The following MELTF variants were observed in gnomAD, a reference collection of about 807,000 sequenced individuals.
MELTF encodes the protein antigen p97 (melanoma associated) identified by monoclonal antibodies 133.2 and 96.5.
A neutral mutation model predicts 83.7 loss-of-function variants in MELTF; 67 were observed. The observed-to-expected ratio is 0.80, with a 90% CI of 0.66 to 0.98. The LOEUF is 0.98. MELTF is among the 50% of genes least tolerant of loss of function. The pLI, the probability that MELTF is intolerant of heterozygous loss-of-function variation, is 0.00. For missense variants in MELTF, 1,002 were observed against 1,035.6 expected, an observed-to-expected ratio of 0.97 and a Z score of 0.44; for synonymous variants, 462 against 447.6, an observed-to-expected ratio of 1.03 and a Z score of -0.41.
chr3:197,026,580 A>C (rs922795999), intron 3 of MELTF, 80 bp downstream of exon 3: 27 of 1,294,482 alleles, frequency 2.1e-5, no homozygotes, highest in Non-Finnish European at 2.8e-5. Context: ...TGGCCAGCTC[A>C]GGCCAGGCCC....
At chr3:197,017,676 G>C (rs964853055) in intron 6 of MELTF, among the ~76,000 whole-genome samples, 4 of 152,192 alleles carry the variant, frequency 2.6e-5, no homozygotes, top group South Asian at 2.1e-4. Context: ...AGGAGATCAA[G>C]ACCATCCTGG....
intron 2 of MELTF, 61 bp downstream of exon 2, chr3:197,027,695 T>G: frequency 6.5e-7 from 1 of 1,542,530 alleles, no homozygotes; most frequent in East Asian, 2.3e-5. Context: ...ATGGGGCTGT[T>G]GTGTGCTCCC....
Position 197,011,311 on chromosome 3 carries a change from C to T in MELTF, c.1234-517G>A, listed in dbSNP as rs914709969. On this transcript the variant is annotated intron_variant, in intron 9 of 15. Transcript: ENST00000296350. The surrounding 1 kb of genome is among the most constrained non-coding windows in gnomAD (Gnocchi z 4.2). The stretch of plus-strand genomic sequence containing the variant: ...GGGCTGAGGGATGGAGCTCTGCCTG[C>T]GGAGGCGCGGGAGGGTCCAGTGCCT... Among the ~76,000 whole-genome samples the T allele has an allele frequency of 6.6e-5, 10 of 152,208 alleles. No homozygotes were observed. The highest frequency in any genetic ancestry group is 4.6e-4 in the Admixed American group (7 of 15,288).
intron 6 of MELTF, among the ~76,000 whole-genome samples, chr3:197,019,962 C>G (rs1719556043): frequency 6.6e-6 from 1 of 152,146 alleles, no homozygotes; most frequent in South Asian, 2.1e-4. Context: ...GCCTGAGGAA[C>G]TCCTGGGCTG....
In MELTF at chr3:197,006,594, G is replaced by A. The variant is rs376218420; in HGVS notation, c.1893C>T (p.Pro631=). ...CATACACGGTGAAGATGTTGGTGTC[G>A]GGCCGGACCATCACGGCGTGGGGTG... ...QIPPHAVMVR[P]DTNIFTVYGL... The change falls in exon 14 of 16, where the codon CCC becomes CCT. Residue 631 remains proline (P), a synonymous_variant. Coordinates refer to ENST00000296350, the MANE Select transcript of MELTF (RefSeq NM_005929.6). The surrounding 1 kb of genome is among the most constrained non-coding windows in gnomAD (Gnocchi z 5.4). The A allele has an allele frequency of 1.4e-5, 22 of 1,612,734 alleles. No homozygotes were observed. In the Middle Eastern group the frequency reaches 6.6e-4, roughly 48 times the overall value.
intron 1 of MELTF, 31 bp from the exon 2 acceptor site, chr3:197,027,941 C>T (rs1352337423): frequency 6.5e-7 from 1 of 1,536,370 alleles, no homozygotes; most frequent in Non-Finnish European, 8.8e-7. Context: ...GGCCCGGCTC[C>T]CCCGCCCTGC....
Position 197,029,699 on chromosome 3 carries a change from G to T in MELTF, c.4C>A (p.Arg2=). Residue 2 remains arginine, a synonymous_variant, in exon 1 of 16, where the codon CGG becomes AGG. Coordinates refer to ENST00000296350, the MANE Select transcript of MELTF (RefSeq NM_005929.6). This position sits in a 1 kb window ranked among gnomAD's most constrained non-coding sequence, Gnocchi z 6.5. M[R]GPSGALWLLL... The stretch of plus-strand genomic sequence containing the variant: ...AGCCACAGAGCCCCGCTCGGACCCC[G>T]CATGGCGCCGTCGGGGCTGGCTGGG... 2 of 1,240,968 alleles carry T rather than the reference G, an allele frequency of 1.6e-6. No individual in the cohort carries two copies. Among genetic ancestry groups the T allele is most frequent in the Non-Finnish European group, 1.0e-6 (1 of 993,246 alleles). 76.9% of individuals were successfully genotyped at this position (1,240,968 alleles called of 1,614,324 possible). A position where few individuals can be genotyped will look rare whatever the true frequency, so the allele number is the denominator to read the frequency against.
At position 197,029,511 on chromosome 3, in the gene MELTF, A is replaced by T; in HGVS notation, c.49+143T>A. The T allele has an allele frequency of 1.7e-6, 1 of 583,392 alleles. No homozygotes were observed. The highest frequency in any genetic ancestry group is 2.5e-6 in the Non-Finnish European group (1 of 397,472). 36.1% of individuals were successfully genotyped at this position (583,392 alleles called of 1,614,324 possible). On this transcript the variant is annotated intron_variant, in intron 1 of 15. Transcript: ENST00000296350. This position sits in a 1 kb window ranked among gnomAD's most constrained non-coding sequence, Gnocchi z 6.5. ...AGTGCTAGTTCCCTCCGCCGTCCTC[A>T]CTCGACCCCGAGCCCCTGCCTCCCC...
At chr3:197,019,391 C>G (rs1159142267) in intron 6 of MELTF, 6 of 1,280,748 alleles carry the variant, frequency 4.7e-6, no homozygotes, top group Non-Finnish European at 5.0e-6. Flanking sequence ...TCTTACCAAT[C>G]TTTCTGTATA....
intron 2 of MELTF, among the ~76,000 whole-genome samples, chr3:197,027,306 A>C (rs1342644220): frequency 3.3e-5 from 5 of 152,052 alleles, no homozygotes; most frequent in Non-Finnish European, 5.9e-5. Context: ...GCCTCGGAGG[A>C]TTGTCAGTGT....
In MELTF at chr3:197,006,475, A is replaced by T; in HGVS notation, c.1938+74T>A. 1 of 1,384,484 alleles carries T rather than the reference A, an allele frequency of 7.2e-7. No individual in the cohort carries two copies. Among genetic ancestry groups the T allele is most frequent in the Non-Finnish European group, 9.8e-7 (1 of 1,019,268 alleles). The allele number at this position is 1,384,484 out of a possible 1,614,324, so 85.8% of individuals were successfully genotyped here. A position where few individuals can be genotyped will look rare whatever the true frequency, so the allele number is the denominator to read the frequency against. ...ATTTCTCTAGAGGTCTGCTCCAGGT[A>T]GACTGAGGCCTCCCAGGGGCTCAGC... On this transcript the variant is annotated intron_variant, in intron 14 of 15. Coordinates refer to ENST00000296350, the MANE Select transcript of MELTF (RefSeq NM_005929.6). This position sits in a 1 kb window ranked among gnomAD's most constrained non-coding sequence, Gnocchi z 5.4.
Position 197,006,736 on chromosome 3 carries a change from C to G in MELTF, c.1751G>C (p.Gly584Ala), listed in dbSNP as rs1189765612. 6.6e-7 allele frequency: 1 copy of G among 1,525,866 alleles called. No homozygotes were observed. Among genetic ancestry groups the G allele is most frequent in the Non-Finnish European group, 8.8e-7 (1 of 1,139,154 alleles). The allele number at this position is 1,525,866 out of a possible 1,614,324, so 94.5% of individuals were successfully genotyped here. A position where few individuals can be genotyped will look rare whatever the true frequency, so the allele number is the denominator to read the frequency against. ...RHTTVFDNTN[G>A]HNSEPWAAEL... ...AGCAGCCCAGGGCTCGGAATTGTGGCCTGAGGGGGGTAAAGCAGTGTGTGT... is the reference window on the plus strand; with the variant it reads ...AGCAGCCCAGGGCTCGGAATTGTGGGCTGAGGGGGGTAAAGCAGTGTGTGT... The change falls in exon 14 of 16, where the codon GGC becomes GCC. Residue 584 changes from glycine (G) to alanine (A), a missense_variant and splice_region_variant. Physicochemically the swap from Gly to Ala is moderately conservative, Grantham distance 60. Coordinates refer to ENST00000296350, the MANE Select transcript of MELTF (RefSeq NM_005929.6). This position sits in a 1 kb window ranked among gnomAD's most constrained non-coding sequence, Gnocchi z 5.4.
In MELTF at chr3:197,024,930, G is replaced by A. The variant is rs752086162; in HGVS notation, c.305-445C>T. Among the ~76,000 whole-genome samples, 13 of 152,310 alleles carry A rather than the reference G, an allele frequency of 8.5e-5. No individual in the cohort carries two copies. The highest frequency in any genetic ancestry group is 7.7e-4 in the East Asian group (4 of 5,178). Reference sequence around the variant, plus strand: ...GGTGTCTGGGAGGAGCAGGGGAGCCGAGGAGGGGCTTCCCCAGATGAGGAG... The same window carrying A: ...GGTGTCTGGGAGGAGCAGGGGAGCCAAGGAGGGGCTTCCCCAGATGAGGAG... On this transcript the variant is annotated intron_variant, in intron 3 of 15. Transcript: ENST00000296350. The surrounding 1 kb of genome is among the most constrained non-coding windows in gnomAD (Gnocchi z 5.3).
At position 197,007,933 on chromosome 3, in the gene MELTF, G is replaced by C. The variant is rs942136166; in HGVS notation, c.1750+724C>G. Reference sequence around the variant, plus strand: ...GAGAAGACTGGGCCTCCAGCATTTGGGGTTTCAAAGCCTGGGGTGTAGGCA... The same window carrying C: ...GAGAAGACTGGGCCTCCAGCATTTGCGGTTTCAAAGCCTGGGGTGTAGGCA... On this transcript the variant is annotated intron_variant, in intron 13 of 15. Coordinates refer to ENST00000296350, the MANE Select transcript of MELTF (RefSeq NM_005929.6). This position sits in a 1 kb window ranked among gnomAD's most constrained non-coding sequence, Gnocchi z 4.3. Among the ~76,000 whole-genome samples, 3 of 152,188 alleles carry C rather than the reference G, an allele frequency of 2.0e-5. No individual in the cohort carries two copies. Among genetic ancestry groups the C allele is most frequent in the African/African-American group, 7.2e-5 (3 of 41,436 alleles).
intron 2 of MELTF, among the ~76,000 whole-genome samples, chr3:197,027,225 G>A (rs944403473): frequency 1.3e-5 from 2 of 152,172 alleles, no homozygotes; most frequent in African/African-American, 4.8e-5. Flanking sequence ...GGGGGCATAT[G>A]GGGGGCAGAG....
intron 3 of MELTF, chr3:197,025,666 G>C (rs1468921498): frequency 6.6e-6 from 1 of 152,514 alleles, no homozygotes; most frequent in African/African-American, 2.4e-5. Context: ...AATTAAAGAG[G>C]AAGAGGTGCG....
intron 6 of MELTF, 161 bp downstream of exon 6, chr3:197,021,243 C>T: frequency 4.8e-6 from 3 of 625,390 alleles, no homozygotes; most frequent in Non-Finnish European, 5.5e-6. Flanking sequence ...GCTGGGAGTG[C>T]TGAGGCTCGG....
intron 9 of MELTF, 130 bp downstream of exon 9, chr3:197,015,235 C>T (rs182245812): frequency 1.7e-5 from 20 of 1,164,600 alleles, no homozygotes; most frequent in Middle Eastern, 2.9e-4. Context: ...CCTCCCCACC[C>T]GTCTCTGTGG....
In MELTF at chr3:197,029,640, C is replaced by G. The variant is rs946955080; in HGVS notation, c.49+14G>C. The G allele has an allele frequency of 8.0e-7, 1 of 1,243,934 alleles. No homozygotes were observed. The highest frequency in any genetic ancestry group is 4.2e-5 in the Admixed American group (1 of 24,086). 77.1% of individuals were successfully genotyped at this position (1,243,934 alleles called of 1,614,324 possible). The stretch of plus-strand genomic sequence containing the variant: ...GACCCCCGCCCGCCTTTGGCTCTCA[C>G]AGCGGGGCCTCACCGGTGCGCAGAG... On this transcript the variant is annotated intron_variant, in intron 1 of 15. Coordinates refer to ENST00000296350, the MANE Select transcript of MELTF (RefSeq NM_005929.6). This position sits in a 1 kb window ranked among gnomAD's most constrained non-coding sequence, Gnocchi z 6.5.
Sources: allele counts gnomAD v4.1 joint callset (sites outside exome capture counted in the v4.1 genomes callset), GRCh38; gene constraint gnomAD v4.1.1; non-coding constraint Gnocchi (gnomAD v3.1); transcripts MANE v1.5; gene names NCBI Gene and HGNC (gene_info 2026-07-23, HGNC 2026-07-21).